ACAP1: variants seen among roughly 807,000 people sequenced by gnomAD.
The protein encoded by ACAP1 is ArfGAP with coiled-coil, ankyrin repeat and PH domains 1.
In ACAP1, 45 loss-of-function variants were observed where a neutral mutation model predicts 98.8. The ratio of observed to expected loss-of-function variants is 0.46; its 90% CI spans 0.36 to 0.58. The LOEUF (loss-of-function observed/expected upper bound fraction) is 0.58. Ranked by LOEUF, ACAP1 falls within the 20% of genes least tolerant of loss-of-function variation. ACAP1 has a pLI of 0.00. For synonymous variants in ACAP1, 362 were observed against 375.3 expected (o/e 0.96, Z 0.41); for missense variants, 735 against 971.4 (o/e 0.76, Z 3.24).
At position 7,348,400 on chromosome 17, in the gene ACAP1, CG is replaced by C; in HGVS notation, c.1604del (p.Arg535ProfsTer21). On this transcript the variant is annotated frameshift_variant, in exon 17 of 22. Transcript: ENST00000158762. LOFTEE classifies it high-confidence loss of function. ...EIRGRRGGRGRPRGQPPVPPK... is the reference protein window; with the variant it reads ...EIRGRRGGRGXPRGQPPVPPK... ...TCGAGGGCGAAGAGGTGGCCGGGGG[CG>C]CCCAAGGGGGCAGCCTCCTGTGCCC... 6.5e-7 allele frequency: 1 copy of C among 1,550,118 alleles called. No individual in the cohort carries two copies. Among genetic ancestry groups the C allele is most frequent in the African/African-American group, 1.4e-5 (1 of 72,846 alleles).
chr17:7,336,840 G>GCA, intron 1 of ACAP1, 53 bp downstream of exon 1: 3 of 1,575,376 alleles, frequency 1.9e-6, no homozygotes, highest in South Asian at 1.1e-5. Context: ...AACACCCCCA[G>GCA]CACACACACA....
At position 7,337,008 on chromosome 17, in the gene ACAP1, G is replaced by C. The variant is rs1382792660; in HGVS notation, c.53+221G>C. On this transcript the variant is annotated intron_variant, in intron 1 of 21. Transcript: ENST00000158762. ...GCCTCTGCAGTTTCCCTCACCCCTA[G>C]AGCTGGCATTCCCTCTGGCCTCTCA... is the stretch of plus-strand genomic sequence containing the variant. 3.9e-5 allele frequency among the ~76,000 whole-genome samples: 6 copies of C among 152,004 alleles called. No individual in the cohort carries two copies. The East Asian group carries it at 7.8e-4, about 20-fold the overall frequency.
At position 7,343,511 on chromosome 17, in the gene ACAP1, G is replaced by T; in HGVS notation, c.477G>T (p.Leu159Phe). The T allele has an allele frequency of 6.2e-7, 1 of 1,614,058 alleles. No individual in the cohort carries two copies. The highest frequency in any genetic ancestry group is 2.2e-5 in the East Asian group (1 of 44,878). Residue 159 changes from leucine (L) to phenylalanine (F), a missense_variant, in exon 6 of 22, where the codon TTG (leucine) becomes TTT (phenylalanine). Coordinates refer to ENST00000158762, the MANE Select transcript of ACAP1 (RefSeq NM_014716.4). The surrounding 1 kb of genome is among the most constrained non-coding windows in gnomAD (Gnocchi z 4.9). ...AGGCAGAAGAGGCAGGAGCTGCTTT[G>T]AGGACGGCTCGAGCTGGGTACCGGG... ...AQEAEEAGAA[L>F]RTARAGYRGR...
In ACAP1 at chr17:7,343,635, G is replaced by A; in HGVS notation, c.529-71G>A. On this transcript the variant is annotated intron_variant, in intron 6 of 21. Transcript: ENST00000158762. The surrounding 1 kb of genome is among the most constrained non-coding windows in gnomAD (Gnocchi z 4.9). The stretch of plus-strand genomic sequence containing the variant: ...ACCTCGAGGCTTGGGGGTCTCCAGT[G>A]TGCAGTGGGAAGGGGTGCTGTGTCT... 2 of 1,597,842 alleles carry A rather than the reference G, an allele frequency of 1.3e-6. No homozygotes were observed. Among genetic ancestry groups the A allele is most frequent in the Non-Finnish European group, 1.7e-6 (2 of 1,169,834 alleles).
intron 18 of ACAP1, 111 bp downstream of exon 18, chr17:7,349,278 C>T: frequency 8.4e-7 from 1 of 1,187,580 alleles, no homozygotes; most frequent in Non-Finnish European, 1.2e-6. Context: ...AGGGCTTCCA[C>T]CCATAGGGAG....
In ACAP1 at chr17:7,336,787, G is replaced by A. The variant is rs202135426; in HGVS notation, c.53G>A (p.Arg18Gln). 1.5e-5 allele frequency: 25 copies of A among 1,613,756 alleles called. No individual in the cohort carries two copies. The highest frequency in any genetic ancestry group is 1.6e-4 in the Middle Eastern group (1 of 6,082). ...TGTCTCAAGGACTCACCCCGTTTCC[G>A]GTAAGTGTGAACTGGTCTGGGGGGC... ...EECLKDSPRF[R>Q]ASIELVEAEV... Residue 18 changes from arginine to glutamine, a missense_variant and splice_region_variant, in exon 1 of 22, where the codon CGA becomes CAA. By Grantham distance (43) the Arg-to-Gln change is conservative (BLOSUM62 1). This residue lies in a region of ACAP1 where 430 missense variants were observed against 531.8 expected (regional missense o/e 0.81). Transcript: ENST00000158762.
At chr17:7,349,918 A>AC (rs745712812) in intron 18 of ACAP1, 27 bp from the exon 19 acceptor site, 29 of 1,558,064 alleles carry the variant, frequency 1.9e-5, no homozygotes, top group Non-Finnish European at 2.4e-5. Context: ...GCCACCCTCA[A>AC]CCCCCCTTCT....
chr17:7,339,558 C>A (rs370281456), intron 2 of ACAP1, among the ~76,000 whole-genome samples: 1 of 151,678 alleles, frequency 6.6e-6, no homozygotes, highest in Non-Finnish European at 1.5e-5. Context: ...TGCAGTGAGC[C>A]GAGATCACGC....
rs2073225679 is a variant in ACAP1 at position 7,336,891 on chromosome 17, T to C, written c.53+104T>C. 3.0e-6 allele frequency: 4 copies of C among 1,315,336 alleles called. No homozygotes were observed. The Admixed American group carries it at 5.5e-5, about 18-fold the overall frequency. The allele number at this position is 1,315,336 out of a possible 1,614,324, so 81.5% of individuals were successfully genotyped here. On this transcript the variant is annotated intron_variant, in intron 1 of 21. Coordinates refer to ENST00000158762, the MANE Select transcript of ACAP1 (RefSeq NM_014716.4). The stretch of plus-strand genomic sequence containing the variant: ...GGTCTCCTTCCAGGGAGCAGGCCTC[T>C]AAGAGGCAGGAGCGAGCCTGTGGGC...
In ACAP1 at chr17:7,347,192, C is replaced by T. The variant is rs1025498897; in HGVS notation, c.1293C>T (p.Ala431=). The change falls in exon 14 of 22, where the codon GCC becomes GCT. Residue 431 remains alanine (A), a synonymous_variant. Transcript: ENST00000158762. The part of the protein sequence containing the change: ...CDCREPAPEW[A]SINLGVTLCI... ...GCCGGGAGCCAGCCCCGGAGTGGGC[C>T]AGCATCAACCTTGGTGTCACCCTCT... 2 of 1,613,960 alleles carry T rather than the reference C, an allele frequency of 1.2e-6. No individual in the cohort carries two copies. The highest frequency in any genetic ancestry group is 2.7e-5 in the African/African-American group (2 of 74,932).
chr17:7,336,824 A>T, intron 1 of ACAP1, 37 bp downstream of exon 1: 2 of 1,605,506 alleles, frequency 1.2e-6, no homozygotes, highest in Non-Finnish European at 8.5e-7. Flanking sequence ...AAGGAGGGGA[A>T]AGTCTAACAC....
chr17:7,349,379 CTTT>C (rs1393015366), intron 18 of ACAP1: 1,160 of 386,508 alleles, frequency 3.0e-3, no homozygotes, highest in South Asian at 4.3e-3. Context: ...TTACAGGAGA[CTTT>C]TTTTTTTTTT....
chr17:7,340,558 G>A (rs1296598863), intron 2 of ACAP1, among the ~76,000 whole-genome samples: 1 of 152,124 alleles, frequency 6.6e-6, no homozygotes, highest in Non-Finnish European at 1.5e-5. Flanking sequence ...ATTTGATCTC[G>A]GTCAGGCCAG....
intron 18 of ACAP1, 117 bp downstream of exon 18, chr17:7,349,284 G>A: frequency 1.8e-6 from 2 of 1,138,488 alleles, no homozygotes; most frequent in Non-Finnish European, 2.4e-6. Flanking sequence ...TCCACCCATA[G>A]GGAGAGATCA....
chr17:7,337,419 G>A, intron 2 of ACAP1, 50 bp downstream of exon 2: 1 of 1,522,742 alleles, frequency 6.6e-7, no homozygotes, highest in Non-Finnish European at 9.1e-7. Flanking sequence ...GTTGAGAGGG[G>A]TAGGGCCAGG....
chr17:7,350,300 T>A lies in ACAP1; in HGVS notation c.2072+63T>A. ...TCCCCCCACCCCCGCCCACCCACGT[T>A]CGGGCGGGCGGGCGGGGCTGACGCC... On this transcript the variant is annotated intron_variant, in intron 20 of 21. Transcript: ENST00000158762. The surrounding 1 kb of genome is among the most constrained non-coding windows in gnomAD (Gnocchi z 4.6). 4.2e-6 allele frequency: 5 copies of A among 1,190,798 alleles called. No homozygotes were observed. Among genetic ancestry groups the A allele is most frequent in the Non-Finnish European group, 6.0e-6 (5 of 829,678 alleles). 73.8% of individuals were successfully genotyped at this position (1,190,798 alleles called of 1,614,324 possible).
At chr17:7,342,764 C>A (rs544657157) in intron 5 of ACAP1, 1 of 452,434 alleles carries the variant, frequency 2.2e-6, no homozygotes, top group Admixed American at 3.6e-5. Context: ...AAAAATTAGC[C>A]GGGCATGGTG....
Position 7,340,247 on chromosome 17 carries a change from G to A in ACAP1, c.112-1701G>A, listed in dbSNP as rs191009877. 1.1e-4 allele frequency among the ~76,000 whole-genome samples: 17 copies of A among 151,932 alleles called. No individual in the cohort carries two copies. The East Asian group carries it at 2.0e-3, about 18-fold the overall frequency. On this transcript the variant is annotated intron_variant, in intron 2 of 21. Transcript: ENST00000158762. ...TGATCCCACCACTGCACTCCAGCCT[G>A]GGCGACAGAGACCTCAACTCTAAAA... is the stretch of plus-strand genomic sequence containing the variant.
At chr17:7,342,951 CAT>C (rs2073304744) in intron 5 of ACAP1, 1 of 212,456 alleles carries the variant, frequency 4.7e-6, no homozygotes, top group Non-Finnish European at 9.3e-6. Context: ...CGTGGTGGCA[CAT>C]GTCTGTTGTC....
Sources: gnomAD v4.1 joint callset for allele counts (sites outside exome capture counted in the v4.1 genomes callset) on GRCh38, gnomAD v4.1.1 for gene constraint, gnomAD v4.1.1 regional missense constraint, Gnocchi (gnomAD v3.1) non-coding constraint, MANE v1.5 for transcripts, NCBI Gene and HGNC (gene_info 2026-07-23, HGNC 2026-07-21) for gene names.